The following RHBDL3 variants were observed in gnomAD, a reference collection of about 807,000 sequenced individuals.
The protein encoded by RHBDL3 is rhomboid-related protein 3.
Under a neutral mutation model 48.2 loss-of-function variants are expected in RHBDL3, and 28 were observed. The observed-to-expected ratio is 0.58, with a 90% confidence interval of 0.43 to 0.80. The LOEUF (loss-of-function observed/expected upper bound fraction) is 0.80, where lower values mean the gene tolerates loss of function less well. Ranked by LOEUF, RHBDL3 falls within the 30% of genes least tolerant of loss-of-function variation. The pLI is 0.00. For missense variants in RHBDL3, 464 were observed against 542.7 expected (o/e 0.85, Z 1.44); for synonymous variants, 208 against 232.3 (o/e 0.90, Z 0.95).
chr17:32,321,422 T>G lies in RHBDL3; in HGVS notation c.*193T>G, dbSNP rs1399213389. The G allele has an allele frequency of 6.7e-7, 1 of 1,490,164 alleles. No homozygotes were observed. Among genetic ancestry groups the G allele is most frequent in the South Asian group, 1.2e-5 (1 of 80,392 alleles). The allele number at this position is 1,490,164 out of a possible 1,614,324, so 92.3% of individuals were successfully genotyped here. On this transcript the variant is annotated 3_prime_UTR_variant, in exon 9 of 9. Coordinates refer to ENST00000269051, the MANE Select transcript of RHBDL3 (RefSeq NM_138328.3). Reference sequence around the variant, plus strand: ...TTCTGAAAGGCATCTGGCGGAGGAGTTGATGTGGCTGCTGTCGTTTTTCTC... The same window carrying G: ...TTCTGAAAGGCATCTGGCGGAGGAGGTGATGTGGCTGCTGTCGTTTTTCTC...
intron 7 of RHBDL3, among the ~76,000 whole-genome samples, chr17:32,305,809 T>C (rs891297430): frequency 1.3e-5 from 2 of 151,620 alleles, no homozygotes; most frequent in African/African-American, 2.4e-5. Flanking sequence ...TCCCAGCTAC[T>C]CGGGAGGCTG....
chr17:32,275,118 C>T (rs972017382), intron 2 of RHBDL3, among the ~76,000 whole-genome samples: 1 of 152,132 alleles, frequency 6.6e-6, no homozygotes, highest in Non-Finnish European at 1.5e-5. Flanking sequence ...CGGCGGCCAG[C>T]AGTTTAGGCT....
At chr17:32,280,689 C>T (rs1355144716) in intron 2 of RHBDL3, 1 of 151,996 alleles carries the variant, frequency 6.6e-6, no homozygotes, top group Non-Finnish European at 1.5e-5. Flanking sequence ...TGACACAAAC[C>T]CTGGTTAGTG....
At chr17:32,306,400 G>T (rs879942803) in intron 7 of RHBDL3, among the ~76,000 whole-genome samples, 2 of 152,216 alleles carry the variant, frequency 1.3e-5, no homozygotes, top group African/African-American at 2.4e-5. Flanking sequence ...CTCCAGCCTG[G>T]GTGACAGAGC....
At chr17:32,289,053 G>A (rs2150715750) in intron 4 of RHBDL3, 37 bp downstream of exon 4, 1 of 1,562,550 alleles carries the variant, frequency 6.4e-7, no homozygotes, top group Non-Finnish European at 8.8e-7. Context: ...GCTCTGCCTT[G>A]GGGAGTGGCG....
intron 2 of RHBDL3, among the ~76,000 whole-genome samples, chr17:32,269,837 A>C (rs11871894): frequency 0.014 from 2,073 of 152,290 alleles, 53 homozygotes; most frequent in African/African-American, 0.047. Context: ...TTTTAAAACA[A>C]ACCATTTGGG....
intron 3 of RHBDL3, among the ~76,000 whole-genome samples, chr17:32,287,918 G>A (rs554902863): frequency 3.5e-4 from 54 of 152,354 alleles, no homozygotes; most frequent in African/African-American, 1.1e-3. Context: ...TCTGGTCTCC[G>A]AGTCAGGCTG....
intron 7 of RHBDL3, 22 bp from the exon 8 acceptor site, chr17:32,316,210 C>T (rs2040968827): frequency 6.3e-7 from 1 of 1,597,334 alleles, no homozygotes; most frequent in Admixed American, 1.7e-5. Flanking sequence ...CTGGAACTGA[C>T]TGAGCTCTCC....
At chr17:32,274,900 G>A (rs112235222) in intron 2 of RHBDL3, among the ~76,000 whole-genome samples, 2 of 152,120 alleles carry the variant, frequency 1.3e-5, no homozygotes, top group African/African-American at 4.8e-5. Flanking sequence ...ACGCATGCAT[G>A]TGTGTGTGTC....
intron 1 of RHBDL3, 43 bp downstream of exon 1, chr17:32,266,343 C>T (rs1424397497): frequency 6.2e-6 from 7 of 1,132,152 alleles, no homozygotes; most frequent in Admixed American, 3.2e-5. Context: ...TAGGGGGCGC[C>T]GGGGGGAAAA....
At chr17:32,269,654 GAGC>G (rs1567759312) in intron 2 of RHBDL3, among the ~76,000 whole-genome samples, 9 of 152,226 alleles carry the variant, frequency 5.9e-5, no homozygotes. Flanking sequence ...AGGCAGGAGG[GAGC>G]CCGCTGCGCC....
chr17:32,317,195 T>A (rs2040996979), intron 8 of RHBDL3, among the ~76,000 whole-genome samples: 1 of 152,154 alleles, frequency 6.6e-6, no homozygotes, highest in Non-Finnish European at 1.5e-5. Context: ...TTCATCTTTT[T>A]ATTGACATAT....
rs1439438482 is a variant in RHBDL3, at chr17:32,298,199, T to C, written c.776T>C (p.Val259Ala). ...GGGCTTGTCTACGTGGCCGGTGTTG[T>C]GGCAGGTAGGCAGGTAGGCCCCGTG... is the stretch of plus-strand genomic sequence containing the variant. ...RIGLVYVAGV[V>A]AGSLAVSVAD... The change falls in exon 6 of 9, where the codon GTG becomes GCG. Residue 259 changes from valine to alanine, a missense_variant. Coordinates refer to ENST00000269051, the MANE Select transcript of RHBDL3 (RefSeq NM_138328.3). 3 of 1,610,588 alleles carry C rather than the reference T, an allele frequency of 1.9e-6. No individual in the cohort carries two copies. Among genetic ancestry groups the C allele is most frequent in the South Asian group, 1.1e-5 (1 of 90,928 alleles).
Position 32,321,421 on chromosome 17 carries a change from G to A in RHBDL3, c.*192G>A. The stretch of plus-strand genomic sequence containing the variant: ...TTTCTGAAAGGCATCTGGCGGAGGA[G>A]TTGATGTGGCTGCTGTCGTTTTTCT... On this transcript the variant is annotated 3_prime_UTR_variant, in exon 9 of 9. Transcript: ENST00000269051. The A allele has an allele frequency of 1.3e-6, 2 of 1,496,972 alleles. No individual in the cohort carries two copies. Among genetic ancestry groups the A allele is most frequent in the Non-Finnish European group, 1.8e-6 (2 of 1,117,264 alleles). 92.7% of individuals were successfully genotyped at this position (1,496,972 alleles called of 1,614,324 possible).
intron 7 of RHBDL3, among the ~76,000 whole-genome samples, chr17:32,314,485 G>T (rs2040922822): frequency 6.6e-6 from 1 of 152,092 alleles, no homozygotes; most frequent in Non-Finnish European, 1.5e-5. Flanking sequence ...GCCCAGCCGG[G>T]TATCACCTTT....
intron 7 of RHBDL3, among the ~76,000 whole-genome samples, chr17:32,308,499 G>T (rs991658571): frequency 1.3e-5 from 2 of 152,160 alleles, no homozygotes; most frequent in Non-Finnish European, 2.9e-5. Flanking sequence ...GATCACCTGT[G>T]GTTCCAGCTA....
intron 7 of RHBDL3, among the ~76,000 whole-genome samples, chr17:32,312,553 C>G (rs554234929): frequency 4.1e-4 from 63 of 152,250 alleles, no homozygotes; most frequent in African/African-American, 1.4e-3. Context: ...GAGTCTCACC[C>G]TTTGCCCAGG....
intron 7 of RHBDL3, among the ~76,000 whole-genome samples, chr17:32,309,527 G>A (rs1363700304): frequency 6.6e-6 from 1 of 151,852 alleles, no homozygotes; most frequent in Non-Finnish European, 1.5e-5. Context: ...ACTCCAACCT[G>A]GGCAACAAGA....
At chr17:32,266,419 A>G in intron 1 of RHBDL3, 119 bp downstream of exon 1, 2 of 482,656 alleles carry the variant, frequency 4.1e-6, no homozygotes, top group Non-Finnish European at 6.9e-6. Flanking sequence ...AGCGCCCCGG[A>G]TTGGCCGGGT....
Sources: gnomAD v4.1 joint callset for allele counts (sites outside exome capture counted in the v4.1 genomes callset) on GRCh38, gnomAD v4.1.1 for gene constraint, MANE v1.5 for transcripts, NCBI Gene and HGNC (gene_info 2026-07-23, HGNC 2026-07-21) for gene names.